Variants in KCNK4 observed in about 807,000 individuals in gnomAD.
The protein encoded by KCNK4 is potassium two pore domain channel subfamily K member 4.
KCNK4 carries 22 observed loss-of-function variants against 28.8 expected under a neutral mutation model. The ratio of observed to expected loss-of-function variants is 0.76; its 90% confidence interval spans 0.55 to 1.09. The LOEUF (loss-of-function observed/expected upper bound fraction) is 1.09, where lower values mean the gene tolerates loss of function less well. KCNK4 is among the 50% of genes least tolerant of loss of function. KCNK4 has a pLI of 0.00. For synonymous variants in KCNK4, 263 were observed against 252.9 expected (o/e 1.04, Z -0.38); for missense variants, 483 against 546.3 (o/e 0.88, Z 1.15).
chr11:64,293,117 G>T lies in KCNK4; in HGVS notation c.99G>T (p.Gln33His), dbSNP rs2135225604. ...GGGCCCTGGAGCAGCCCCACGAGCAGCAGGCCCAGAGGGAGCTGGGGGAGG... is the reference window on the plus strand; with the variant it reads ...GGGCCCTGGAGCAGCCCCACGAGCATCAGGCCCAGAGGGAGCTGGGGGAGG... ...VFRALEQPHE[Q>H]QAQRELGEVR... Residue 33 changes from glutamine to histidine, a missense_variant, in exon 2 of 7, where the codon CAG becomes CAT. Coordinates refer to ENST00000422670, the MANE Select transcript of KCNK4 (RefSeq NM_033310.3). 6.5e-7 allele frequency: 1 copy of T among 1,547,078 alleles called. No homozygotes were observed. Among genetic ancestry groups the T allele is most frequent in the Non-Finnish European group, 8.7e-7 (1 of 1,145,134 alleles).
At chr11:64,295,518 G>A (rs78213572) in intron 2 of KCNK4, among the ~76,000 whole-genome samples, 1,659 of 152,234 alleles carry the variant, frequency 0.011, 30 homozygotes, top group African/African-American at 0.038. Context: ...CCCTTAAGTC[G>A]TGAATTTATT....
chr11:64,299,720 G>T lies in KCNK4; in HGVS notation c.1176G>T (p.Pro392=), dbSNP rs750984504. 4 of 1,555,082 alleles carry T rather than the reference G, an allele frequency of 2.6e-6. No homozygotes were observed. The highest frequency in any genetic ancestry group is 4.7e-5 in the East Asian group (2 of 42,230). The change falls in exon 7 of 7, where the codon CCG becomes CCT. Residue 392 remains proline (P), a synonymous_variant. Coordinates refer to ENST00000422670, the MANE Select transcript of KCNK4 (RefSeq NM_033310.3). ...GGCGTCCCCGAGACAAAGGCGTGCC[G>T]GTGTAGGGGCAGGATCCCTGGCCGG... The part of the protein sequence containing the change: ...GPGRPRDKGV[P]V
chr11:64,294,175 T>C lies in KCNK4; in HGVS notation c.189+968T>C, dbSNP rs183548325. On this transcript the variant is annotated intron_variant, in intron 2 of 6. Transcript: ENST00000422670. ...CTTACCATGTGGGGAGAAGGGGGGG[T>C]GCGTCAGGGTTCCCTGAGGCACTTC... Among the ~76,000 whole-genome samples the C allele has an allele frequency of 2.1e-3, 308 of 150,072 alleles. 5 individuals carry two copies. The highest frequency in any genetic ancestry group is 0.015 in the South Asian group (70 of 4,718).
intron 2 of KCNK4, among the ~76,000 whole-genome samples, chr11:64,296,544 C>T (rs2034767825): frequency 6.6e-6 from 1 of 152,124 alleles, no homozygotes; most frequent in African/African-American, 2.4e-5. Context: ...AGTTCACTTG[C>T]TCAAGTCCCA....
chr11:64,294,878 G>T (rs541477998), intron 2 of KCNK4, among the ~76,000 whole-genome samples: 85 of 139,036 alleles, frequency 6.1e-4, no homozygotes, highest in African/African-American at 2.1e-3. Context: ...AATGTATCTG[G>T]CCAGACCACA....
At position 64,299,909 on chromosome 11, in the gene KCNK4, C is replaced by A. The variant is rs549956841; in HGVS notation, c.*183C>A. ...CACTTCCATCCATCTCTAGACCCCC[C>A]CAAGGCTTTCTGTGTCGCTGCCCCG... On this transcript the variant is annotated 3_prime_UTR_variant, in exon 7 of 7. Transcript: ENST00000422670. 1.7e-5 allele frequency: 20 copies of A among 1,188,718 alleles called. No homozygotes were observed. The highest frequency in any genetic ancestry group is 2.0e-4 in the Middle Eastern group (1 of 4,922). 73.6% of individuals were successfully genotyped at this position (1,188,718 alleles called of 1,614,324 possible).
chr11:64,291,915 G>A (rs991837297), intron 1 of KCNK4: 4 of 631,754 alleles, frequency 6.3e-6, no homozygotes, highest in African/African-American at 4.1e-5. Context: ...CGCCGGTCCC[G>A]CCGCCCGCCA....
At chr11:64,295,338 G>A (rs1047130054) in intron 2 of KCNK4, among the ~76,000 whole-genome samples, 7 of 152,164 alleles carry the variant, frequency 4.6e-5, no homozygotes, top group Non-Finnish European at 1.0e-4. Context: ...TACACCAGGC[G>A]AGAGGGGTAG....
intron 3 of KCNK4, 36 bp from the exon 4 acceptor site, chr11:64,297,083 T>TG (rs755984668): frequency 2.5e-6 from 4 of 1,613,070 alleles, no homozygotes; most frequent in Non-Finnish European, 2.5e-6. Context: ...GGGTCCCAGG[T>TG]GGCCCCTAGA....
At chr11:64,292,784 T>G in intron 1 of KCNK4, 158 bp from the exon 2 acceptor site, 2 of 716,182 alleles carry the variant, frequency 2.8e-6, no homozygotes, top group East Asian at 3.7e-5. Flanking sequence ...AGGGGAAGGC[T>G]GGAGATAGGA....
chr11:64,299,848 G>T lies in KCNK4; in HGVS notation c.*122G>T. The T allele has an allele frequency of 6.6e-7, 1 of 1,515,490 alleles. No individual in the cohort carries two copies. Among genetic ancestry groups the T allele is most frequent in the Non-Finnish European group, 8.9e-7 (1 of 1,129,054 alleles). 93.9% of individuals were successfully genotyped at this position (1,515,490 alleles called of 1,614,324 possible). On this transcript the variant is annotated 3_prime_UTR_variant, in exon 7 of 7. Coordinates refer to ENST00000422670, the MANE Select transcript of KCNK4 (RefSeq NM_033310.3). ...GAAGTCTGGGGAGGAGGCTACAGTT[G>T]CCTCTCCGCCTCCTCCCTGGCCCCG...
intron 1 of KCNK4, chr11:64,292,710 T>C: frequency 3.4e-6 from 1 of 294,082 alleles, no homozygotes. Flanking sequence ...CCCTTCTCGG[T>C]GCCCTCCTCT....
rs773386180 is a variant in KCNK4, at chr11:64,299,346, A to G, written c.802A>G (p.Met268Val). ...AGGGCTGCTTTCCCTCTCCGTGCAG[A>G]TGGGCGGCCTCACGGCTCAGGCTGC... is the stretch of plus-strand genomic sequence containing the variant. Reference protein sequence around the residue: ...RVVSRRTRAEMGGLTAQAASW... With the variant: ...RVVSRRTRAEVGGLTAQAASW... The change falls in exon 7 of 7, where the codon ATG (methionine) becomes GTG (valine). Residue 268 changes from methionine to valine, a missense_variant and splice_region_variant. Transcript: ENST00000422670. 3 of 1,551,810 alleles carry G rather than the reference A, an allele frequency of 1.9e-6. No homozygotes were observed. The highest frequency in any genetic ancestry group is 1.7e-6 in the Non-Finnish European group (2 of 1,151,276).
intron 1 of KCNK4, chr11:64,292,107 AGTGCAGGTGGGGTGCGTGC>A (rs1163798723): frequency 1.2e-5 from 13 of 1,059,490 alleles, no homozygotes; most frequent in Non-Finnish European, 1.4e-5. Context: ...GTCTGCGGAG[AGTGCAGGTGGGGTGCGTGC>A]GTGCAGCGGG....
chr11:64,294,120 G>T (rs1184806383), intron 2 of KCNK4, among the ~76,000 whole-genome samples: 1 of 152,120 alleles, frequency 6.6e-6, no homozygotes, highest in African/African-American at 2.4e-5. Context: ...AGGAATGCCA[G>T]GTCAGGTGCC....
At position 64,297,468 on chromosome 11, in the gene KCNK4, A is replaced by C. The variant is rs1318084174; in HGVS notation, c.476A>C (p.Lys159Thr). The C allele has an allele frequency of 1.2e-6, 2 of 1,614,010 alleles. No individual in the cohort carries two copies. Among genetic ancestry groups the C allele is most frequent in the Non-Finnish European group, 8.5e-7 (1 of 1,179,956 alleles). The change falls in exon 5 of 7, where the codon AAG becomes ACG. Residue 159 changes from lysine (K) to threonine (T), a missense_variant and splice_region_variant. Physicochemically the swap from Lys to Thr is moderately conservative, Grantham distance 78. Transcript: ENST00000422670. ...GIGHIEAIFL[K>T]WHVPPELVRV... ...CCTGCCTACTGCCCCATCCCGCAGAAGTGGCACGTGCCACCGGAGCTAGTA... is the reference window on the plus strand; with the variant it reads ...CCTGCCTACTGCCCCATCCCGCAGACGTGGCACGTGCCACCGGAGCTAGTA...
At position 64,296,925 on chromosome 11, in the gene KCNK4, G is replaced by A. The variant is rs371707971; in HGVS notation, c.237G>A (p.Ser79=). The change falls in exon 3 of 7, where the codon TCG becomes TCA. Residue 79 remains serine, a synonymous_variant. Coordinates refer to ENST00000422670, the MANE Select transcript of KCNK4 (RefSeq NM_033310.3). ...GGGGTGCGGACCCAGAAACCAACTC[G>A]ACCAGCAACAGCAGCCACTCAGCCT... ...LGGGADPETN[S]TSNSSHSAWD... 10 of 1,510,722 alleles carry A rather than the reference G, an allele frequency of 6.6e-6. No homozygotes were observed. Among genetic ancestry groups the A allele is most frequent in the South Asian group, 1.4e-5 (1 of 73,980 alleles). 93.6% of individuals were successfully genotyped at this position (1,510,722 alleles called of 1,614,324 possible). A position where few individuals can be genotyped will look rare whatever the true frequency, so the allele number is the denominator to read the frequency against.
Position 64,291,482 on chromosome 11 carries a change from G to C in KCNK4, c.-162G>C, listed in dbSNP as rs1312394388. 1.3e-5 allele frequency: 2 copies of C among 152,464 alleles called. No homozygotes were observed. The highest frequency in any genetic ancestry group is 2.4e-5 in the African/African-American group (1 of 41,480). The allele number at this position is 152,464 out of a possible 1,614,324, so 9.4% of individuals were successfully genotyped here. Reference sequence around the variant, plus strand: ...CTGGGCTCCGGTCCAAGGCTAGAAGGCTGGCCCCTGCTGCAACCCCTCTCC... The same window carrying C: ...CTGGGCTCCGGTCCAAGGCTAGAAGCCTGGCCCCTGCTGCAACCCCTCTCC... On this transcript the variant is annotated 5_prime_UTR_variant, in exon 1 of 7. Coordinates refer to ENST00000422670, the MANE Select transcript of KCNK4 (RefSeq NM_033310.3).
chr11:64,292,955 C>T lies in KCNK4; in HGVS notation c.-64C>T. 6.7e-7 allele frequency: 1 copy of T among 1,483,716 alleles called. No homozygotes were observed. Among genetic ancestry groups the T allele is most frequent in the Non-Finnish European group, 8.9e-7 (1 of 1,121,850 alleles). 91.9% of individuals were successfully genotyped at this position (1,483,716 alleles called of 1,614,324 possible). A position where few individuals can be genotyped will look rare whatever the true frequency, so the allele number is the denominator to read the frequency against. On this transcript the variant is annotated 5_prime_UTR_variant, in exon 2 of 7. Transcript: ENST00000422670. ...TTTTGCCCGCAGTGACGACAGCTCC[C>T]CAGGAGCCCCCCGCCCGGCCCCTCC...
Sources: allele counts gnomAD v4.1 joint callset (sites outside exome capture counted in the v4.1 genomes callset), GRCh38; gene constraint gnomAD v4.1.1; transcripts MANE v1.5; gene names NCBI Gene and HGNC (gene_info 2026-07-23, HGNC 2026-07-21).